The following LPP variants were observed in gnomAD, a reference collection of about 807,000 sequenced individuals.
The protein encoded by LPP is lipoma-preferred partner.
LPP carries 38 observed loss-of-function variants against 60.4 expected under a neutral mutation model. The ratio of observed to expected loss-of-function variants is 0.63; its 90% CI spans 0.49 to 0.83. LPP has a LOEUF of 0.83. LPP is among the 40% of genes least tolerant of loss of function. The pLI, the probability that LPP is intolerant of heterozygous loss-of-function variation, is 0.00. For synonymous variants in LPP, 328 were observed against 290.8 expected, an observed-to-expected ratio of 1.13 and a Z score of -1.30; for missense variants, 902 against 783.6, an observed-to-expected ratio of 1.15 and a Z score of -1.80.
intron 3 of LPP, among the ~76,000 whole-genome samples, chr3:188,395,579 G>A (rs751691319): frequency 7.3e-5 from 11 of 151,688 alleles, no homozygotes; most frequent in Non-Finnish European, 1.2e-4. Context: ...TTAGAGAATC[G>A]GAGATTAAAC....
chr3:188,361,524 CT>C, intron 3 of LPP, among the ~76,000 whole-genome samples: 1 of 127,210 alleles, frequency 7.9e-6, no homozygotes, highest in African/African-American at 3.0e-5. Context: ...CTCCTCTCCT[CT>C]CCTCTCCTCT....
intron 6 of LPP, among the ~76,000 whole-genome samples, chr3:188,594,642 T>C (rs1241222548): frequency 6.6e-6 from 1 of 152,244 alleles, no homozygotes; most frequent in East Asian, 1.9e-4. Context: ...ATCTGAAGTC[T>C]AAATTTTGAG....
intron 8 of LPP, among the ~76,000 whole-genome samples, chr3:188,727,501 T>C (rs1465550586): frequency 1.3e-5 from 2 of 152,190 alleles, no homozygotes; most frequent in Non-Finnish European, 2.9e-5. Flanking sequence ...TTATAAAATA[T>C]ATTAAAATAA....
intron 1 of LPP, among the ~76,000 whole-genome samples, chr3:188,198,580 A>G (rs1210078202): frequency 6.6e-6 from 1 of 152,204 alleles, no homozygotes; most frequent in African/African-American, 2.4e-5. Flanking sequence ...ATAGTCAGGC[A>G]TTGGCATGCC....
At chr3:188,246,704 A>G (rs1727086669) in intron 2 of LPP, among the ~76,000 whole-genome samples, 1 of 152,230 alleles carries the variant, frequency 6.6e-6, no homozygotes, top group African/African-American at 2.4e-5. Flanking sequence ...CATAGATGAG[A>G]CACAAAGTAG....
intron 11 of LPP, among the ~76,000 whole-genome samples, chr3:188,874,068 C>T (rs991037015): frequency 1.2e-4 from 19 of 152,008 alleles, no homozygotes; most frequent in African/African-American, 3.6e-4. Context: ...AGATGGGTGG[C>T]CTCTTCTCTT....
chr3:188,188,782 G>A (rs1476489262), intron 1 of LPP, among the ~76,000 whole-genome samples: 1 of 152,094 alleles, frequency 6.6e-6, no homozygotes, highest in African/African-American at 2.4e-5. Context: ...TGGTCACCCT[G>A]CACCATGGTA....
Position 188,704,757 on chromosome 3 carries a change from T to TTTGTTG in LPP, c.1114-3489_1114-3484dup, listed in dbSNP as rs35521611. On this transcript the variant is annotated intron_variant, in intron 7 of 11. Transcript: ENST00000617246. The stretch of plus-strand genomic sequence containing the variant: ...TTTTGTGTACACTGCAGATACCTGT[T>TTTGTTG]TTGTTGTTGTTGTTGTTGTTGTTGT... Among the ~76,000 whole-genome samples, 1,157 of 150,818 alleles carry TTTGTTG rather than the reference T, an allele frequency of 7.7e-3. 11 individuals carry two copies. The highest frequency in any genetic ancestry group is 0.027 in the Middle Eastern group (8 of 292).
At chr3:188,521,772 A>T (rs188170137) in intron 5 of LPP, among the ~76,000 whole-genome samples, 1 of 152,240 alleles carries the variant, frequency 6.6e-6, no homozygotes, top group African/African-American at 2.4e-5. Flanking sequence ...CATTTTATAG[A>T]TGAGAAAACT....
At chr3:188,207,324 C>T (rs1445270789) in intron 1 of LPP, among the ~76,000 whole-genome samples, 1 of 150,868 alleles carries the variant, frequency 6.6e-6, no homozygotes, top group Admixed American at 6.6e-5. Context: ...CTCTTCCTGC[C>T]GGGTTCGAGC....
intron 4 of LPP, among the ~76,000 whole-genome samples, chr3:188,467,117 A>G (rs1378297777): frequency 6.6e-6 from 1 of 151,732 alleles, no homozygotes; most frequent in East Asian, 1.9e-4. Flanking sequence ...AAGAAAAGCA[A>G]TCCTATGGGG....
At chr3:188,259,985 G>A (rs1733001027) in intron 2 of LPP, among the ~76,000 whole-genome samples, 1 of 151,646 alleles carries the variant, frequency 6.6e-6, no homozygotes, top group Non-Finnish European at 1.5e-5. Context: ...TGTAAACAGG[G>A]TTAAAGAAGA....
At chr3:188,240,231 T>G (rs563574409) in intron 2 of LPP, 1 of 176,370 alleles carries the variant, frequency 5.7e-6, no homozygotes, top group African/African-American at 2.4e-5. Flanking sequence ...AAAAATCCTT[T>G]TGGTATCAAA....
intron 2 of LPP, among the ~76,000 whole-genome samples, chr3:188,252,347 C>T (rs1560161872): frequency 7.8e-6 from 1 of 127,590 alleles, no homozygotes; most frequent in Non-Finnish European, 1.7e-5. Flanking sequence ...TCCCTTTCCC[C>T]CTTCTTCCGT....
At chr3:188,159,251 G>A (rs920044271) in intron 1 of LPP, among the ~76,000 whole-genome samples, 1 of 152,130 alleles carries the variant, frequency 6.6e-6, no homozygotes, top group Admixed American at 6.5e-5. Context: ...CGTCCTCTAG[G>A]AAAGCTTTCT....
intron 6 of LPP, among the ~76,000 whole-genome samples, chr3:188,577,762 T>TTCCTTCCTTCCTTCCTTCCTTCTG (rs1835040798): frequency 7.1e-6 from 1 of 141,750 alleles, no homozygotes; most frequent in Non-Finnish European, 1.6e-5. Flanking sequence ...CGTTCCTTCG[T>TTCCTTCCTTCCTTCCTTCCTTCTG]TCCTTCCTTC....
rs570240949 is a variant in LPP, at chr3:188,213,047, G to C, written c.-189-12358G>C. 3.9e-5 allele frequency: 6 copies of C among 152,286 alleles called. No homozygotes were observed. The East Asian group carries it at 1.2e-3, about 29-fold the overall frequency. The allele number at this position is 152,286 out of a possible 1,614,324, so 9.4% of individuals were successfully genotyped here. A position where few individuals can be genotyped will look rare whatever the true frequency, so the allele number is the denominator to read the frequency against. ...ATTATATTTGTATATTTTTTAAAAAGTAGGTATTTCCTCTCATCTGAGGCC... is the reference window on the plus strand; with the variant it reads ...ATTATATTTGTATATTTTTTAAAAACTAGGTATTTCCTCTCATCTGAGGCC... On this transcript the variant is annotated intron_variant, in intron 1 of 11. Transcript: ENST00000617246.
At chr3:188,349,094 T>C (rs1356012693) in intron 3 of LPP, among the ~76,000 whole-genome samples, 1 of 152,190 alleles carries the variant, frequency 6.6e-6, no homozygotes, top group East Asian at 1.9e-4. Flanking sequence ...AGAGGAATGC[T>C]GGGTTGTGGG....
At chr3:188,708,508 G>C in intron 8 of LPP, 115 bp downstream of exon 8, 2 of 1,363,842 alleles carry the variant, frequency 1.5e-6, no homozygotes, top group Non-Finnish European at 2.1e-6. Context: ...AGATGCATGA[G>C]AGTTGATATA....
Sources: gnomAD v4.1 joint callset for allele counts (sites outside exome capture counted in the v4.1 genomes callset) on GRCh38, gnomAD v4.1.1 for gene constraint, MANE v1.5 for transcripts, NCBI Gene and HGNC (gene_info 2026-07-23, HGNC 2026-07-21) for gene names.